The following TMEM38A variants were observed in gnomAD, a reference collection of about 807,000 sequenced individuals.
The protein encoded by TMEM38A is trimeric intracellular cation channel type A.
A neutral mutation model predicts 28.6 loss-of-function variants in TMEM38A; 17 were observed. The observed-to-expected ratio is 0.60, with a 90% CI of 0.41 to 0.89. The LOEUF is 0.89. TMEM38A is among the 40% of genes least tolerant of loss of function. TMEM38A has a pLI of 0.00. For synonymous variants in TMEM38A, 169 were observed against 166.1 expected, an observed-to-expected ratio of 1.02 and a Z score of -0.14; for missense variants, 328 against 393.1, an observed-to-expected ratio of 0.83 and a Z score of 1.40.
At chr19:16,679,287 GTGTGTGTGTGTA>G (rs1303266261) in intron 1 of TMEM38A, among the ~76,000 whole-genome samples, 3 of 124,014 alleles carry the variant, frequency 2.4e-5, no homozygotes, top group African/African-American at 9.3e-5. Flanking sequence ...GTGTGTGTGT[GTGTGTGTGTGTA>G]TGTGTGTGTT....
chr19:16,682,616 C>T, intron 4 of TMEM38A, 108 bp downstream of exon 4: 1 of 948,208 alleles, frequency 1.1e-6, no homozygotes, highest in Non-Finnish European at 1.7e-6. Context: ...CTTGACTCTG[C>T]CTTTCAGGAG....
In TMEM38A at chr19:16,688,328, T is replaced by G. The variant is rs2086810574; in HGVS notation, c.857T>G (p.Leu286Trp). 2 of 1,606,892 alleles carry G rather than the reference T, an allele frequency of 1.2e-6. No homozygotes were observed. The highest frequency in any genetic ancestry group is 1.7e-6 in the Non-Finnish European group (2 of 1,176,932). ...SAMPAKSKEE[L>W]SEGSRKKKAK... is the part of the protein sequence containing the mutation. ...ATGCCCGCCAAGTCCAAGGAGGAGT[T>G]GAGCGAGGGCTCCAGGAAGAAGAAG... The change falls in exon 6 of 6, where the codon TTG becomes TGG. Residue 286 changes from leucine (L) to tryptophan (W), a missense_variant. By Grantham distance (61) the Leu-to-Trp change is moderately conservative. Coordinates refer to ENST00000187762, the MANE Select transcript of TMEM38A (RefSeq NM_024074.4).
chr19:16,688,194 G>A lies in TMEM38A; in HGVS notation c.723G>A (p.Glu241=). 2 of 1,509,660 alleles carry A rather than the reference G, an allele frequency of 1.3e-6. No homozygotes were observed. Among genetic ancestry groups the A allele is most frequent in the Non-Finnish European group, 8.9e-7 (1 of 1,122,848 alleles). 93.5% of individuals were successfully genotyped at this position (1,509,660 alleles called of 1,614,324 possible). A position where few individuals can be genotyped will look rare whatever the true frequency, so the allele number is the denominator to read the frequency against. The change falls in exon 6 of 6, where the codon GAG becomes GAA. Residue 241 remains glutamate, a synonymous_variant. Coordinates refer to ENST00000187762, the MANE Select transcript of TMEM38A (RefSeq NM_024074.4). ...HSHSSPFDAL[E]GYICPVLFGS... ...ACAGCTCCCCCTTTGATGCCCTGGA[G>A]GGCTACATCTGCCCCGTGCTGTTTG...
At chr19:16,662,884 G>A (rs2086688213) in intron 1 of TMEM38A, among the ~76,000 whole-genome samples, 1 of 152,000 alleles carries the variant, frequency 6.6e-6, no homozygotes, top group Non-Finnish European at 1.5e-5. Context: ...AAACAAAATA[G>A]GCTTTTGTGT....
intron 1 of TMEM38A, among the ~76,000 whole-genome samples, chr19:16,675,704 A>T (rs2086747873): frequency 6.6e-6 from 1 of 151,786 alleles, no homozygotes; most frequent in Non-Finnish European, 1.5e-5. Context: ...GCCTCCCGCA[A>T]CGCCCAGCTA....
Position 16,688,162 on chromosome 19 carries a change from C to T in TMEM38A, c.691C>T (p.His231Tyr). The T allele has an allele frequency of 6.9e-7, 1 of 1,449,128 alleles. No individual in the cohort carries two copies. The highest frequency in any genetic ancestry group is 9.2e-7 in the Non-Finnish European group (1 of 1,092,130). 89.8% of individuals were successfully genotyped at this position (1,449,128 alleles called of 1,614,324 possible). A position where few individuals can be genotyped will look rare whatever the true frequency, so the allele number is the denominator to read the frequency against. The change falls in exon 6 of 6, where the codon CAC (histidine) becomes TAC (tyrosine). Residue 231 changes from histidine to tyrosine, a missense_variant. His to Tyr is a moderately conservative substitution (Grantham distance 83). Transcript: ENST00000187762. ...VSCKVFLTAT[H>Y]SHSSPFDALE... ...ACCTCAGGTGTTTCTGACAGCCACC[C>T]ACTCACACAGCTCCCCCTTTGATGC...
At chr19:16,671,128 C>G (rs1331758518) in intron 1 of TMEM38A, among the ~76,000 whole-genome samples, 1 of 151,128 alleles carries the variant, frequency 6.6e-6, no homozygotes, top group Non-Finnish European at 1.5e-5. Flanking sequence ...AGTTGAAAAC[C>G]TATTGGCTTC....
chr19:16,675,348 C>T (rs1180426366), intron 1 of TMEM38A, among the ~76,000 whole-genome samples: 1 of 151,966 alleles, frequency 6.6e-6, no homozygotes, highest in Non-Finnish European at 1.5e-5. Flanking sequence ...GTCCTCCCAC[C>T]TCAGAAGTAG....
intron 1 of TMEM38A, among the ~76,000 whole-genome samples, chr19:16,668,390 T>TA: frequency 6.8e-6 from 1 of 146,058 alleles, no homozygotes; most frequent in South Asian, 2.2e-4. Flanking sequence ...ACTAAAAATA[T>TA]AAAAATTAGT....
chr19:16,663,212 C>T lies in TMEM38A; in HGVS notation c.124+1871C>T, dbSNP rs373132728. Among the ~76,000 whole-genome samples the T allele has an allele frequency of 1.3e-4, 20 of 150,478 alleles. No homozygotes were observed. In the East Asian group the frequency reaches 3.2e-3, roughly 24 times the overall value. Reference sequence around the variant, plus strand: ...AGGAGAATCACTTGAACCTGGGAGGCGGAGGTTGCAGTGAGCCGAGATCAC... The same window carrying T: ...AGGAGAATCACTTGAACCTGGGAGGTGGAGGTTGCAGTGAGCCGAGATCAC... On this transcript the variant is annotated intron_variant, in intron 1 of 5. Transcript: ENST00000187762.
At chr19:16,685,050 G>GTAAATAAATAAATAAATAAA (rs1033381515) in intron 4 of TMEM38A, among the ~76,000 whole-genome samples, 9 of 149,238 alleles carry the variant, frequency 6.0e-5, no homozygotes, top group African/African-American at 2.3e-4. Flanking sequence ...CCCTGTCTCT[G>GTAAATAAATAAATAAATAAA]TAAATAAATA....
At chr19:16,673,047 G>A (rs1044446897) in intron 1 of TMEM38A, among the ~76,000 whole-genome samples, 8 of 151,418 alleles carry the variant, frequency 5.3e-5, no homozygotes, top group African/African-American at 2.0e-4. Flanking sequence ...CCTGATCAAG[G>A]TCTAGTTCAC....
chr19:16,675,721 G>A (rs1180644082), intron 1 of TMEM38A, among the ~76,000 whole-genome samples: 1 of 151,504 alleles, frequency 6.6e-6, no homozygotes, highest in Admixed American at 6.6e-5. Flanking sequence ...GCTAATTTTT[G>A]TATTTCTAGT....
At chr19:16,664,435 G>GAAAGA (rs1271974983) in intron 1 of TMEM38A, among the ~76,000 whole-genome samples, 1 of 151,974 alleles carries the variant, frequency 6.6e-6, no homozygotes, top group East Asian at 1.9e-4. Flanking sequence ...AAAAAAGAAA[G>GAAAGA]AAAGAAAAGA....
At chr19:16,664,034 C>T (rs1379356705) in intron 1 of TMEM38A, among the ~76,000 whole-genome samples, 1 of 152,168 alleles carries the variant, frequency 6.6e-6, no homozygotes, top group Non-Finnish European at 1.5e-5. Flanking sequence ...GGTCCCATGG[C>T]TGGTCAGTTG....
intron 1 of TMEM38A, among the ~76,000 whole-genome samples, chr19:16,667,130 A>C (rs2086706751): frequency 1.3e-5 from 2 of 151,826 alleles, no homozygotes; most frequent in Non-Finnish European, 2.9e-5. Context: ...TTAGCCAGTC[A>C]TGGTGGCACA....
chr19:16,680,234 C>G (rs2086775732), intron 2 of TMEM38A, 94 bp downstream of exon 2: 1 of 1,521,186 alleles, frequency 6.6e-7, no homozygotes, highest in Non-Finnish European at 9.0e-7. Context: ...TTAGAATGCA[C>G]CAGCAACAGC....
chr19:16,667,397 C>T (rs1450458470), intron 1 of TMEM38A, among the ~76,000 whole-genome samples: 1 of 152,136 alleles, frequency 6.6e-6, no homozygotes, highest in Non-Finnish European at 1.5e-5. Context: ...CTCCAAGCTC[C>T]ATGTGAGGAA....
Position 16,661,422 on chromosome 19 carries a change from GC to G in TMEM38A, c.124+84del. On this transcript the variant is annotated intron_variant, in intron 1 of 5. Transcript: ENST00000187762. This position sits in a 1 kb window ranked among gnomAD's most constrained non-coding sequence, Gnocchi z 6.5. The stretch of plus-strand genomic sequence containing the variant: ...AGCTCGGGGGTCGCAGAGAGGGGAA[GC>G]CCGTGCGTGGTGGAGGGAGCGAGGG... 7.9e-7 allele frequency: 1 copy of G among 1,260,344 alleles called. No individual in the cohort carries two copies. Among genetic ancestry groups the G allele is most frequent in the Non-Finnish European group, 1.1e-6 (1 of 936,108 alleles). 78.1% of individuals were successfully genotyped at this position (1,260,344 alleles called of 1,614,324 possible). A position where few individuals can be genotyped will look rare whatever the true frequency, so the allele number is the denominator to read the frequency against.
Sources: gnomAD v4.1 joint callset for allele counts (sites outside exome capture counted in the v4.1 genomes callset) on GRCh38, gnomAD v4.1.1 for gene constraint, Gnocchi (gnomAD v3.1) non-coding constraint, MANE v1.5 for transcripts, NCBI Gene and HGNC (gene_info 2026-07-23, HGNC 2026-07-21) for gene names.